The following MED16 variants were observed in gnomAD, a reference collection of about 807,000 sequenced individuals.
The protein encoded by MED16 is mediator of RNA polymerase II transcription subunit 16.
In MED16, 81 loss-of-function variants were observed where a neutral mutation model predicts 84.4. That is an observed-to-expected ratio of 0.96 (90% CI 0.80 to 1.15). The LOEUF is 1.15. Ranked by LOEUF, MED16 falls within the 50% of genes most tolerant of loss-of-function variation. The pLI, the probability that MED16 is intolerant of heterozygous loss-of-function variation, is 0.00. For synonymous variants in MED16, 897 were observed against 552.2 expected (o/e 1.62, Z -8.76); for missense variants, 1,585 against 1,245.9 (o/e 1.27, Z -4.10).
At chr19:875,206 A>C in intron 10 of MED16, 38 bp downstream of exon 10, 1 of 1,361,938 alleles carries the variant, frequency 7.3e-7, no homozygotes, top group Non-Finnish European at 1.0e-6. Context: ...AAATAGATGA[A>C]AGAAACCTCG....
intron 3 of MED16, 148 bp from the exon 4 acceptor site, chr19:889,955 G>T (rs1226092640): frequency 1.0e-6 from 1 of 962,474 alleles, no homozygotes; most frequent in South Asian, 1.6e-5. Context: ...GCACTCCAGA[G>T]ATGCCCTGAG....
intron 2 of MED16, 49 bp downstream of exon 2, chr19:890,914 G>A (rs773762839): frequency 2.6e-5 from 42 of 1,593,156 alleles, no homozygotes; most frequent in African/African-American, 4.0e-5. Context: ...GGGGAACAGG[G>A]CGGGACACCA....
rs773784598 is a variant in MED16 at position 876,963 on chromosome 19, C to CG, written c.1560+10dup. 9.3e-5 allele frequency: 149 copies of CG among 1,600,180 alleles called. 1 individual carries two copies. The African/African-American group carries it at 1.2e-3, about 13-fold the overall frequency. ...ACCTGCCACGGGGCCCCACCTGCCA[C>CG]GGGCCCCCACCTGCTGCAGGGCAGC... On this transcript the variant is annotated intron_variant, in intron 9 of 15. Transcript: ENST00000325464.
chr19:872,833 G>T (rs973491353), intron 11 of MED16: 1 of 443,722 alleles, frequency 2.3e-6, no homozygotes, highest in Non-Finnish European at 3.1e-6. Flanking sequence ...GTGTAGGGGT[G>T]GGGCTGAGAA....
intron 1 of MED16, 191 bp downstream of exon 1, chr19:892,881 AGCCCCGCGCCCCGC>A (rs568145217): frequency 0.16 from 21,781 of 137,774 alleles, 1,981 homozygotes; most frequent in South Asian, 0.19. Flanking sequence ...CTGAGCCCCG[AGCCCCGCGCCCCGC>A]GCCCCGCGCC....
In MED16 at chr19:868,070, TCAC is replaced by T. The variant is rs762618349; in HGVS notation, c.*28_*30del. 1.8e-5 allele frequency: 29 copies of T among 1,574,322 alleles called. No homozygotes were observed. The highest frequency in any genetic ancestry group is 9.0e-5 in the East Asian group (4 of 44,596). On this transcript the variant is annotated 3_prime_UTR_variant, in exon 16 of 16. Transcript: ENST00000325464. ...AAACCGAGGAGACGCCCGAGCCGGG[TCAC>T]CACAAGGTCCGCCTGGACCCCCGGC...
chr19:891,251 G>A, intron 1 of MED16, 102 bp from the exon 2 acceptor site: 1 of 1,186,570 alleles, frequency 8.4e-7, no homozygotes, highest in Non-Finnish European at 1.2e-6. Flanking sequence ...CCGTGGTAGA[G>A]GGAACAGCCG....
rs768275060 is a variant in MED16, at chr19:889,775, G to A, written c.310C>T (p.Gln104Ter). Reference protein sequence around the residue: ...SRLLSADADGQIKCWSMADHL... With the variant: ...SRLLSADADG ...TCCGCCATGCTCCAGCACTTGATCTGCCCGTCGGCATCTGCTGACAGGAGC... is the reference window on the plus strand; with the variant it reads ...TCCGCCATGCTCCAGCACTTGATCTACCCGTCGGCATCTGCTGACAGGAGC... The change falls in exon 4 of 16, where the codon CAG becomes TAG. Residue 104 changes from glutamine to a stop codon, truncating the protein, a stop_gained. Coordinates refer to ENST00000325464, the MANE Select transcript of MED16 (RefSeq NM_005481.3). LOFTEE classifies it high-confidence loss of function. The A allele has an allele frequency of 6.2e-7, 1 of 1,612,772 alleles. No individual in the cohort carries two copies. The highest frequency in any genetic ancestry group is 8.5e-7 in the Non-Finnish European group (1 of 1,179,664).
At position 891,155 on chromosome 19, in the gene MED16, G is replaced by A. The variant is rs2036623964; in HGVS notation, c.-18-6C>T. 6.2e-7 allele frequency: 1 copy of A among 1,601,748 alleles called. No individual in the cohort carries two copies. The highest frequency in any genetic ancestry group is 1.3e-5 in the African/African-American group (1 of 74,748). ...ATGAGGGCAGTCACCAGCTCCTGCGGGAGGGAGGTGTGGTGGGACGTCTAT... is the reference window on the plus strand; with the variant it reads ...ATGAGGGCAGTCACCAGCTCCTGCGAGAGGGAGGTGTGGTGGGACGTCTAT... On this transcript the variant is annotated splice_polypyrimidine_tract_variant and splice_region_variant and intron_variant, in intron 1 of 15. Coordinates refer to ENST00000325464, the MANE Select transcript of MED16 (RefSeq NM_005481.3).
In MED16 at chr19:872,308, G is replaced by A. The variant is rs565303519; in HGVS notation, c.1906-190C>T. 1.8e-3 allele frequency among the ~76,000 whole-genome samples: 275 copies of A among 152,110 alleles called. 1 individual carries two copies. Among genetic ancestry groups the A allele is most frequent in the African/African-American group, 6.3e-3 (261 of 41,472 alleles). ...CGGGGACGCTGCTCAGAGCCCTGCA[G>A]GGCCCAGGACAGCCCCATTTGCAGA... On this transcript the variant is annotated intron_variant, in intron 11 of 15. Transcript: ENST00000325464.
intron 8 of MED16, among the ~76,000 whole-genome samples, chr19:878,552 C>T: frequency 7.4e-6 from 1 of 135,946 alleles, no homozygotes; most frequent in Non-Finnish European, 1.6e-5. Context: ...TGTCAATGCC[C>T]ACCAGCCCCA....
intron 8 of MED16, among the ~76,000 whole-genome samples, chr19:879,281 C>A (rs1599331533): frequency 6.6e-6 from 1 of 151,110 alleles, no homozygotes; most frequent in Admixed American, 6.6e-5. Context: ...CAATGCCCAG[C>A]AGCTCACCTT....
At position 876,992 on chromosome 19, in the gene MED16, C is replaced by T. The variant is rs1568324820; in HGVS notation, c.1542G>A (p.Gln514=). 3 of 1,599,752 alleles carry T rather than the reference C, an allele frequency of 1.9e-6. No individual in the cohort carries two copies. Among genetic ancestry groups the T allele is most frequent in the Non-Finnish European group, 2.6e-6 (3 of 1,175,824 alleles). Residue 514 remains glutamine (Q), a synonymous_variant, in exon 9 of 16, where the codon CAG becomes CAA. Coordinates refer to ENST00000325464, the MANE Select transcript of MED16 (RefSeq NM_005481.3). ...VEKLHEEYTR[Q]TAALQQVLST... Reference sequence around the variant, plus strand: ...CCCCCACCTGCTGCAGGGCAGCGGTCTGGCGCGTGTACTCCTCGTGCAGCT... The same window carrying T: ...CCCCCACCTGCTGCAGGGCAGCGGTTTGGCGCGTGTACTCCTCGTGCAGCT...
rs771993815 is a variant in MED16, at chr19:881,581, G to A, written c.1119C>T (p.Asp373=). 50 of 1,612,310 alleles carry A rather than the reference G, an allele frequency of 3.1e-5. No individual in the cohort carries two copies. The highest frequency in any genetic ancestry group is 4.0e-5 in the Non-Finnish European group (47 of 1,179,878). The change falls in exon 7 of 16, where the codon GAC becomes GAT. Residue 373 remains aspartate (D), a synonymous_variant. Coordinates refer to ENST00000325464, the MANE Select transcript of MED16 (RefSeq NM_005481.3). ...TACCGAGGCCAGGGTAGAACTGTGT[G>A]TCGCTGGCCACCTTGAGGTCGGTGT... ...LTNTDLKVAS[D]TQFYPGLGLA...
In MED16 at chr19:867,993, C is replaced by T; in HGVS notation, c.*108G>A. 7.0e-7 allele frequency: 1 copy of T among 1,418,470 alleles called. No individual in the cohort carries two copies. The highest frequency in any genetic ancestry group is 2.5e-5 in the Admixed American group (1 of 40,168). 87.9% of individuals were successfully genotyped at this position (1,418,470 alleles called of 1,614,324 possible). On this transcript the variant is annotated 3_prime_UTR_variant, in exon 16 of 16. Transcript: ENST00000325464. ...GCAGAGGGCGTTTATTGGACCTGTC[C>T]TTCCCAGCCGCTGCTTGTCCAGGTT... is the stretch of plus-strand genomic sequence containing the variant.
chr19:870,278 A>G (rs1052143915), intron 13 of MED16, among the ~76,000 whole-genome samples: 1 of 152,172 alleles, frequency 6.6e-6, no homozygotes, highest in Non-Finnish European at 1.5e-5. Flanking sequence ...ACACCAAGGC[A>G]AGGCCGGGGC....
Position 868,945 on chromosome 19 carries a change from C to T in MED16, c.2317G>A (p.Ala773Thr). The T allele has an allele frequency of 1.3e-6, 2 of 1,536,512 alleles. No individual in the cohort carries two copies. Among genetic ancestry groups the T allele is most frequent in the South Asian group, 1.2e-5 (1 of 83,508 alleles). ...ATLQLDGLAR[A>T]PGQPKIDHLR... is the part of the protein sequence containing the mutation. ...TGGTCGATCTTGGGCTGGCCTGGGG[C>T]CCTGGCGGGAGAGGGGAGAACGTGA... Residue 773 changes from alanine (A) to threonine (T), a missense_variant and splice_region_variant, in exon 14 of 16, where the codon GCC (alanine) becomes ACC (threonine). Coordinates refer to ENST00000325464, the MANE Select transcript of MED16 (RefSeq NM_005481.3).
chr19:889,848 G>C (rs753278863), intron 3 of MED16, 41 bp from the exon 4 acceptor site: 2 of 1,576,648 alleles, frequency 1.3e-6, no homozygotes, highest in African/African-American at 1.3e-5. Context: ...TCCAGGGATG[G>C]GCAGAGCACT....
intron 6 of MED16, among the ~76,000 whole-genome samples, chr19:883,460 G>A (rs1315191389): frequency 6.9e-6 from 1 of 145,250 alleles, no homozygotes; most frequent in Admixed American, 6.9e-5. Context: ...GCATGGCGGG[G>A]ACCAAAGCCT....
Sources: gnomAD v4.1 joint callset for allele counts (sites outside exome capture counted in the v4.1 genomes callset) on GRCh38, gnomAD v4.1.1 for gene constraint, MANE v1.5 for transcripts, NCBI Gene and HGNC (gene_info 2026-07-23, HGNC 2026-07-21) for gene names.